The following TCF4 variants were observed in gnomAD, a reference collection of about 807,000 sequenced individuals.
TCF4 encodes transcription factor 4, also known as SL3-3 enhancer factor 2.
A neutral mutation model predicts 82.1 loss-of-function variants in TCF4; 3 were observed. The ratio of observed to expected loss-of-function variants is 0.04; its 90% confidence interval spans 0.02 to 0.09. TCF4 has a LOEUF of 0.09. Ranked by LOEUF, TCF4 falls within the 10% of genes least tolerant of loss-of-function variation. TCF4 has a pLI of 1.00. For missense variants in TCF4, 518 were observed against 852.7 expected, an observed-to-expected ratio of 0.61 and a Z score of 4.89; for synonymous variants, 276 against 309.6, an observed-to-expected ratio of 0.89 and a Z score of 1.14.
intron 10 of TCF4, among the ~76,000 whole-genome samples, chr18:55,273,938 C>T (rs2060920221): frequency 6.6e-6 from 1 of 152,056 alleles, no homozygotes; most frequent in Non-Finnish European, 1.5e-5. Flanking sequence ...ATCAAATCGC[C>T]TAACTCAAAA....
chr18:55,498,047 C>T (rs2096657034), intron 3 of TCF4, among the ~76,000 whole-genome samples: 1 of 152,222 alleles, frequency 6.6e-6, no homozygotes, highest in African/African-American at 2.4e-5. Context: ...ATGGGCACTG[C>T]CAGCTTGTCA....
chr18:55,288,064 G>C (rs1217434714), intron 8 of TCF4, among the ~76,000 whole-genome samples: 1 of 152,140 alleles, frequency 6.6e-6, no homozygotes, highest in Non-Finnish European at 1.5e-5. Context: ...AGTATTTTCA[G>C]TGAGTTATTA....
At position 55,305,629 on chromosome 18, in the gene TCF4, G is replaced by C. The variant is rs188691288; in HGVS notation, c.550-25973C>G. On this transcript the variant is annotated intron_variant, in intron 8 of 19. Transcript: ENST00000354452. Reference sequence around the variant, plus strand: ...ATGGTATCAATTTATGTTTAGACAAGAATGGTATATACACTTTAAATATTA... The same window carrying C: ...ATGGTATCAATTTATGTTTAGACAACAATGGTATATACACTTTAAATATTA... 3.3e-5 allele frequency among the ~76,000 whole-genome samples: 5 copies of C among 152,270 alleles called. No individual in the cohort carries two copies. The East Asian group carries it at 7.7e-4, about 24-fold the overall frequency.
At chr18:55,236,511 T>G (rs2049460121) in intron 15 of TCF4, among the ~76,000 whole-genome samples, 1 of 152,100 alleles carries the variant, frequency 6.6e-6, no homozygotes, top group Admixed American at 6.6e-5. Context: ...TCCTTTCCTC[T>G]GTGACTGAAG....
chr18:55,579,627 T>C (rs1432589659), intron 3 of TCF4, among the ~76,000 whole-genome samples: 1 of 151,988 alleles, frequency 6.6e-6, no homozygotes, highest in African/African-American at 2.4e-5. Context: ...AAACACACCA[T>C]GTTCCTTATT....
At chr18:55,235,700 T>C (rs2049148290) in intron 15 of TCF4, among the ~76,000 whole-genome samples, 1 of 152,220 alleles carries the variant, frequency 6.6e-6, no homozygotes, top group South Asian at 2.1e-4. Context: ...ACATTTTCTT[T>C]TCTATTTCCA....
intron 6 of TCF4, among the ~76,000 whole-genome samples, chr18:55,394,387 T>A (rs537297246): frequency 1.3e-5 from 2 of 152,252 alleles, no homozygotes; most frequent in African/African-American, 4.8e-5. Context: ...TAAACATGGC[T>A]TTGAGGTAGC....
intron 3 of TCF4, among the ~76,000 whole-genome samples, chr18:55,540,683 C>T (rs746597465): frequency 2.6e-5 from 4 of 151,992 alleles, no homozygotes; most frequent in Non-Finnish European, 4.4e-5. Context: ...TAAGTCCCTA[C>T]TCCACAAGCA....
chr18:55,601,723 G>A (rs577508892), intron 2 of TCF4, among the ~76,000 whole-genome samples: 1 of 152,308 alleles, frequency 6.6e-6, no homozygotes, highest in South Asian at 2.1e-4. Context: ...GGCAGAGGTT[G>A]CAGTGAGCCG....
chr18:55,500,460 G>A (rs1407115729), intron 3 of TCF4, among the ~76,000 whole-genome samples: 3 of 152,202 alleles, frequency 2.0e-5, no homozygotes, highest in Non-Finnish European at 4.4e-5. Context: ...AGTGTGTGCT[G>A]AAAAGACCAA....
chr18:55,324,872 T>C (rs2147601912), intron 8 of TCF4, among the ~76,000 whole-genome samples: 1 of 152,290 alleles, frequency 6.6e-6, no homozygotes. Flanking sequence ...GCAAACTGTC[T>C]AGAAGTGTTG....
intron 15 of TCF4, among the ~76,000 whole-genome samples, chr18:55,250,613 T>A (rs2054722277): frequency 6.6e-6 from 1 of 152,150 alleles, no homozygotes; most frequent in Non-Finnish European, 1.5e-5. Flanking sequence ...ACTATTATCA[T>A]CCTCACTGGG....
At chr18:55,232,969 A>G (rs911911899) in intron 16 of TCF4, among the ~76,000 whole-genome samples, 3 of 152,216 alleles carry the variant, frequency 2.0e-5, no homozygotes, top group Non-Finnish European at 4.4e-5. Context: ...CACACAGCCA[A>G]TGTTCTGATT....
intron 2 of TCF4, among the ~76,000 whole-genome samples, chr18:55,621,441 T>TATATATATA (rs2097718134): frequency 8.7e-6 from 1 of 115,532 alleles, no homozygotes; most frequent in Non-Finnish European, 1.7e-5. Context: ...TATAAAAATA[T>TATATATATA]ATATATAATA....
intron 3 of TCF4, among the ~76,000 whole-genome samples, chr18:55,509,352 C>G (rs570672949): frequency 6.6e-6 from 1 of 152,082 alleles, no homozygotes; most frequent in African/African-American, 2.4e-5. Flanking sequence ...CACACACACA[C>G]ACAAACACTC....
intron 12 of TCF4, among the ~76,000 whole-genome samples, 191 bp from the exon 13 acceptor site, chr18:55,260,218 T>C (rs1473515534): frequency 1.3e-5 from 2 of 152,164 alleles, no homozygotes; most frequent in African/African-American, 2.4e-5. Flanking sequence ...AAACAAGAAT[T>C]ACTGATGTGG....
At chr18:55,397,891 G>A (rs890665128) in intron 6 of TCF4, among the ~76,000 whole-genome samples, 24 of 152,098 alleles carry the variant, frequency 1.6e-4, no homozygotes, top group Admixed American at 6.5e-4. Context: ...AGAAAATACT[G>A]TATAACAAAT....
chr18:55,310,090 C>T (rs918272964), intron 8 of TCF4, among the ~76,000 whole-genome samples: 1 of 152,154 alleles, frequency 6.6e-6, no homozygotes, highest in Non-Finnish European at 1.5e-5. Context: ...AAAATAAATG[C>T]CAGTTTAGGG....
chr18:55,280,443 GT>G lies in TCF4; in HGVS notation c.550-788del, dbSNP rs557468591. On this transcript the variant is annotated intron_variant, in intron 8 of 19. Transcript: ENST00000354452. ...ATAGCCTGTGTATTTTCTTGTTTAT[GT>G]TTTTTTTAAACAGGACAGCATAGTA... Among the ~76,000 whole-genome samples, 58 of 151,994 alleles carry G rather than the reference GT, an allele frequency of 3.8e-4. No individual in the cohort carries two copies. The East Asian group carries it at 9.3e-3, about 24-fold the overall frequency.
Sources: allele counts gnomAD v4.1 joint callset (sites outside exome capture counted in the v4.1 genomes callset), GRCh38; gene constraint gnomAD v4.1.1; transcripts MANE v1.5; gene names NCBI Gene and HGNC (gene_info 2026-07-23, HGNC 2026-07-21).